Variants in GRM1 observed in about 807,000 individuals in gnomAD.
The protein encoded by GRM1 is glutamate metabotropic receptor 1, also known as metabotropic glutamate receptor 1.
GRM1 carries 33 observed loss-of-function variants against 90.9 expected under a neutral mutation model. That is an observed-to-expected ratio of 0.36 (90% CI 0.28 to 0.49). The LOEUF (loss-of-function observed/expected upper bound fraction) is 0.49. GRM1 is among the 20% of genes least tolerant of loss of function. GRM1 has a pLI of 0.99. For synonymous variants in GRM1, 700 were observed against 613.2 expected (o/e 1.14, Z -2.09); for missense variants, 1,190 against 1,534.3 (o/e 0.78, Z 3.75).
intron 1 of GRM1, among the ~76,000 whole-genome samples, chr6:146,096,090 A>G (rs781696215): frequency 1.2e-4 from 18 of 152,130 alleles, no homozygotes; most frequent in Non-Finnish European, 2.1e-4. Context: ...CAAGCCTAGA[A>G]CTATCCAGAT....
intron 1 of GRM1, among the ~76,000 whole-genome samples, chr6:146,107,994 T>C (rs934970811): frequency 6.6e-6 from 1 of 152,210 alleles, no homozygotes; most frequent in African/African-American, 2.4e-5. Flanking sequence ...TGTCTTTGGC[T>C]TTCAGAGAGA....
At chr6:146,225,303 G>C (rs1333532441) in intron 2 of GRM1, among the ~76,000 whole-genome samples, 1 of 152,066 alleles carries the variant, frequency 6.6e-6, no homozygotes, top group Non-Finnish European at 1.5e-5. Flanking sequence ...TAATCCTGCT[G>C]TTCTCTTGAA....
intron 2 of GRM1, among the ~76,000 whole-genome samples, chr6:146,210,526 C>G (rs1779654142): frequency 6.6e-6 from 1 of 152,068 alleles, no homozygotes; most frequent in Admixed American, 6.6e-5. Context: ...GCTGCTGCTT[C>G]TTTGTTCTTG....
At chr6:146,061,998 T>C (rs535894599) in intron 1 of GRM1, among the ~76,000 whole-genome samples, 1 of 152,294 alleles carries the variant, frequency 6.6e-6, no homozygotes, top group East Asian at 1.9e-4. Flanking sequence ...TTACTGGGTA[T>C]ATATCCAAAG....
chr6:146,247,804 G>GTATATA (rs377170700), intron 2 of GRM1, among the ~76,000 whole-genome samples: 1 of 118,900 alleles, frequency 8.4e-6, no homozygotes, highest in Non-Finnish European at 1.7e-5. Flanking sequence ...GTGTGTGTGT[G>GTATATA]TATATATATA....
At chr6:146,074,795 G>A (rs1001398967) in intron 1 of GRM1, among the ~76,000 whole-genome samples, 5 of 152,058 alleles carry the variant, frequency 3.3e-5, no homozygotes, top group African/African-American at 9.7e-5. Flanking sequence ...TATCCCACAG[G>A]CAATGCTTAT....
intron 1 of GRM1, among the ~76,000 whole-genome samples, chr6:146,094,030 C>T (rs1158748347): frequency 1.3e-5 from 2 of 152,036 alleles, no homozygotes; most frequent in Non-Finnish European, 2.9e-5. Context: ...TAAACATTCT[C>T]TTTCGTTGAT....
intron 1 of GRM1, among the ~76,000 whole-genome samples, chr6:146,088,014 C>G (rs1205537657): frequency 6.6e-6 from 1 of 152,142 alleles, no homozygotes; most frequent in African/African-American, 2.4e-5. Flanking sequence ...AAAGAAACTG[C>G]CAAACTATTT....
At chr6:146,266,861 T>A (rs1781907709) in intron 2 of GRM1, among the ~76,000 whole-genome samples, 1 of 152,216 alleles carries the variant, frequency 6.6e-6, no homozygotes, top group African/African-American at 2.4e-5. Context: ...AAAGAGCAAA[T>A]TCCATAACAG....
chr6:146,219,192 GT>G (rs1779973462), intron 2 of GRM1, among the ~76,000 whole-genome samples: 1 of 152,156 alleles, frequency 6.6e-6, no homozygotes, highest in African/African-American at 2.4e-5. Flanking sequence ...ATTTGAAGTA[GT>G]TTTTTAAAAG....
chr6:146,414,458 G>C (rs978543819), intron 7 of GRM1, among the ~76,000 whole-genome samples: 4 of 151,536 alleles, frequency 2.6e-5, no homozygotes, highest in Non-Finnish European at 4.4e-5. Flanking sequence ...CGCTGGAGTG[G>C]AGTGGCACGA....
At chr6:146,347,598 A>G (rs956895908) in intron 3 of GRM1, among the ~76,000 whole-genome samples, 1 of 152,230 alleles carries the variant, frequency 6.6e-6, no homozygotes, top group Non-Finnish European at 1.5e-5. Context: ...TAGTATCAGA[A>G]AAATCAAACA....
rs986797742 is a variant in GRM1, at chr6:146,183,082, A to G, written c.950+23485A>G. Among the ~76,000 whole-genome samples the G allele has an allele frequency of 5.6e-4, 86 of 152,220 alleles. 1 individual carries two copies. Among genetic ancestry groups the G allele is most frequent in the East Asian group, 5.8e-4 (3 of 5,174 alleles). On this transcript the variant is annotated intron_variant, in intron 2 of 7. Coordinates refer to ENST00000282753, the MANE Select transcript of GRM1 (RefSeq NM_001278064.2). ...GGTCTTCTAAGATTCAGGCTCCTTC[A>G]CATTTGTCATTCCATCATCCTCTCT...
chr6:146,427,977 T>G (rs1778275218), intron 7 of GRM1, among the ~76,000 whole-genome samples: 2 of 152,216 alleles, frequency 1.3e-5, no homozygotes, highest in South Asian at 4.1e-4. Flanking sequence ...ACTGACATTT[T>G]GTAACTAAAA....
At chr6:146,366,395 G>A (rs1010088629) in intron 5 of GRM1, among the ~76,000 whole-genome samples, 1 of 151,966 alleles carries the variant, frequency 6.6e-6, no homozygotes, top group African/African-American at 2.4e-5. Context: ...ATAAATTATT[G>A]TTAACTATAG....
intron 2 of GRM1, among the ~76,000 whole-genome samples, chr6:146,208,059 C>T (rs1779554606): frequency 6.6e-6 from 1 of 152,100 alleles, no homozygotes; most frequent in African/African-American, 2.4e-5. Context: ...TCTGACTTCT[C>T]TTTTTTTCTT....
At chr6:146,124,682 A>G (rs967746041) in intron 1 of GRM1, among the ~76,000 whole-genome samples, 1 of 152,206 alleles carries the variant, frequency 6.6e-6, no homozygotes, top group African/African-American at 2.4e-5. Flanking sequence ...ATATATTACA[A>G]TAAACATTTC....
intron 1 of GRM1, among the ~76,000 whole-genome samples, chr6:146,061,137 A>G (rs1001418965): frequency 1.3e-5 from 2 of 152,096 alleles, no homozygotes; most frequent in African/African-American, 4.8e-5. Context: ...GATTAACTTT[A>G]TTGTCTTATA....
At chr6:146,353,935 C>T (rs1785494270) in intron 4 of GRM1, among the ~76,000 whole-genome samples, 1 of 152,118 alleles carries the variant, frequency 6.6e-6, no homozygotes, top group Non-Finnish European at 1.5e-5. Flanking sequence ...CCCGGCCTGG[C>T]AACCTTCTTA....
Sources: allele counts gnomAD v4.1 joint callset (sites outside exome capture counted in the v4.1 genomes callset), GRCh38; gene constraint gnomAD v4.1.1; transcripts MANE v1.5; gene names NCBI Gene and HGNC (gene_info 2026-07-23, HGNC 2026-07-21).